The following PDE1C variants were observed in gnomAD, a reference collection of about 807,000 sequenced individuals.
PDE1C encodes the protein dual specificity calcium/calmodulin-dependent 3',5'-cyclic nucleotide phosphodiesterase 1C.
A neutral mutation model predicts 93.1 loss-of-function variants in PDE1C; 62 were observed. The ratio of observed to expected loss-of-function variants is 0.67; its 90% CI spans 0.54 to 0.82. The LOEUF is 0.82. Among genes scored for constraint, PDE1C ranks in the 40% least tolerant of loss-of-function variants. The pLI is 0.00. For missense variants in PDE1C, 742 were observed against 884.6 expected (o/e 0.84, Z 2.04); for synonymous variants, 325 against 310.1 (o/e 1.05, Z -0.50).
At chr7:31,710,079 G>T in the PDE1C span, among the ~76,000 whole-genome samples, 45,801 of 151,984 alleles carry the variant, frequency 0.3, 7,393 homozygotes, top group East Asian at 0.61. Context: ...AGCCCAGGAG[G>T]TTGAGGCTGC....
chr7:31,839,432 A>AT (rs1791565816), intron 9 of PDE1C, among the ~76,000 whole-genome samples: 1 of 151,854 alleles, frequency 6.6e-6, no homozygotes. Context: ...ACACACACAC[A>AT]CATATATAAT....
chr7:32,262,733 G>T (rs1047299566), intron 1 of PDE1C, among the ~76,000 whole-genome samples: 21 of 152,172 alleles, frequency 1.4e-4, no homozygotes, highest in African/African-American at 5.1e-4. Context: ...TTTGGGAAGG[G>T]GGAGCCCCCG....
At chr7:32,123,627 C>T (rs1799417214) in intron 3 of PDE1C, among the ~76,000 whole-genome samples, 1 of 152,134 alleles carries the variant, frequency 6.6e-6, no homozygotes. Flanking sequence ...TCAATAGATG[C>T]AGAAAGGGCC....
Position 32,039,568 on chromosome 7 carries a change from G to A in PDE1C, c.128+11986C>T, listed in dbSNP as rs148145683. On this transcript the variant is annotated intron_variant, in intron 2 of 17. Transcript: ENST00000396191. ...CCCTGTCCCCTGGTGGCAGAGCTCC[G>A]CGATTCAGAACCTCGCAGCAGGAAG... Among the ~76,000 whole-genome samples the A allele has an allele frequency of 3.2e-4, 49 of 152,288 alleles. No homozygotes were observed. The South Asian group carries it at 3.3e-3, about 10-fold the overall frequency.
intron 1 of PDE1C, among the ~76,000 whole-genome samples, chr7:32,371,478 T>C (rs1784332806): frequency 1.3e-5 from 2 of 152,224 alleles, no homozygotes; most frequent in African/African-American, 4.8e-5. Flanking sequence ...ATTATATTCC[T>C]AGTGCTTGGC....
chr7:32,216,952 T>C (rs538911011), intron 1 of PDE1C, among the ~76,000 whole-genome samples: 27 of 151,804 alleles, frequency 1.8e-4, no homozygotes, highest in African/African-American at 6.5e-4. Context: ...CTGCAGGCAA[T>C]GGGGGCGGTC....
At chr7:32,081,384 C>T in intron 3 of PDE1C, among the ~76,000 whole-genome samples, 1 of 152,204 alleles carries the variant, frequency 6.6e-6, no homozygotes, top group East Asian at 1.9e-4. Flanking sequence ...TACTTTCCCT[C>T]CCCTACCTAG....
intron 2 of PDE1C, among the ~76,000 whole-genome samples, chr7:31,962,644 T>C (rs953687348): frequency 2.0e-5 from 3 of 152,198 alleles, no homozygotes; most frequent in Middle Eastern, 3.2e-3. Context: ...AGGACATGGT[T>C]ATTTTCAGTA....
chr7:32,307,963 G>A lies in PDE1C; in HGVS notation c.311-98424C>T, dbSNP rs536898615. ...CACTTGGGAAGTGCAAGGGGTCGGG[G>A]AGTTCCCTTTCCTAGTCAAAGAATG... On this transcript the variant is annotated intron_variant, in intron 1 of 1. Coordinates refer to the PDE1C transcript ENST00000672256. Among the ~76,000 whole-genome samples the A allele has an allele frequency of 2.0e-5, 3 of 152,364 alleles. No homozygotes were observed. In the South Asian group the frequency reaches 6.2e-4, roughly 32 times the overall value.
intron 1 of PDE1C, among the ~76,000 whole-genome samples, chr7:32,375,219 A>G (rs1269637235): frequency 6.6e-6 from 1 of 152,208 alleles, no homozygotes; most frequent in Non-Finnish European, 1.5e-5. Context: ...ATAGTCCTTC[A>G]GTCAAGGACC....
chr7:31,819,787 C>A (rs1203495773), intron 14 of PDE1C, among the ~76,000 whole-genome samples: 1 of 152,092 alleles, frequency 6.6e-6, no homozygotes, highest in Admixed American at 6.6e-5. Flanking sequence ...CTGTATTGGG[C>A]TAATTATCCC....
chr7:31,801,598 T>C (rs575966046), intron 16 of PDE1C, among the ~76,000 whole-genome samples: 4 of 151,132 alleles, frequency 2.6e-5, no homozygotes, highest in African/African-American at 9.7e-5. Flanking sequence ...GAGAAAGAGA[T>C]AATAATGTCT....
intron 16 of PDE1C, among the ~76,000 whole-genome samples, chr7:31,804,153 C>T (rs955152246): frequency 1.3e-5 from 2 of 151,806 alleles, no homozygotes; most frequent in Non-Finnish European, 2.9e-5. Flanking sequence ...GAGCTTTATT[C>T]TGGGATGCAG....
intron 1 of PDE1C, among the ~76,000 whole-genome samples, chr7:32,281,107 G>GA (rs1460040205): frequency 6.6e-6 from 1 of 151,840 alleles, no homozygotes; most frequent in Non-Finnish European, 1.5e-5. Context: ...TAAATTTAGG[G>GA]AAAAAACAAT....
rs538163884 is a variant in PDE1C at position 31,965,790 on chromosome 7, T to G, written c.129-84930A>C. Among the ~76,000 whole-genome samples, 27 of 152,096 alleles carry G rather than the reference T, an allele frequency of 1.8e-4. No individual in the cohort carries two copies. The East Asian group carries it at 5.0e-3, about 28-fold the overall frequency. On this transcript the variant is annotated intron_variant, in intron 2 of 17. Transcript: ENST00000396191. ...ATAAACTCTACAAGCCAGAAGAGAG[T>G]GGGGGCAAATATGCAACATTCTTAA...
At chr7:32,299,018 G>A (rs1585095678) in exon 1 of PDE1C, 1 of 1,222,370 alleles carries the variant, frequency 8.2e-7, no homozygotes, top group Non-Finnish European at 1.0e-6. Context: ...GTCAGGAAGG[G>A]AGGACGCGCG....
chr7:31,877,615 T>C (rs1796750022), intron 5 of PDE1C, among the ~76,000 whole-genome samples: 1 of 150,684 alleles, frequency 6.6e-6, no homozygotes, highest in Admixed American at 6.7e-5. Context: ...AATGGGACAA[T>C]TGCAAATACT....
chr7:31,799,447 G>A, intron 16 of PDE1C, among the ~76,000 whole-genome samples: 1 of 151,456 alleles, frequency 6.6e-6, no homozygotes, highest in East Asian at 2.0e-4. Flanking sequence ...TTAATGGCTT[G>A]GCAAATCAAT....
upstream of PDE1C, among the ~76,000 whole-genome samples, chr7:32,303,038 G>T (rs190872488): frequency 8.9e-4 from 135 of 152,274 alleles, no homozygotes; most frequent in African/African-American, 3.0e-3. Context: ...TTGCTCCTTT[G>T]GCTGTAATTG....
Sources: allele counts gnomAD v4.1 joint callset (sites outside exome capture counted in the v4.1 genomes callset), GRCh38; gene constraint gnomAD v4.1.1; transcripts MANE v1.5; gene names NCBI Gene and HGNC (gene_info 2026-07-23, HGNC 2026-07-21).